The following PCDHGB3 variants were observed in gnomAD, a reference collection of about 807,000 sequenced individuals.
PCDHGB3 encodes the protein protocadherin gamma-B3.
A neutral mutation model predicts 59.2 loss-of-function variants in PCDHGB3; 40 were observed. The observed-to-expected ratio is 0.68, with a 90% CI of 0.52 to 0.88. The LOEUF is 0.88. Ranked by LOEUF, PCDHGB3 falls within the 40% of genes least tolerant of loss-of-function variation. The pLI is 0.00. For synonymous variants in PCDHGB3, 581 were observed against 503.6 expected, an observed-to-expected ratio of 1.15 and a Z score of -2.06; for missense variants, 1,309 against 1,187.9, an observed-to-expected ratio of 1.10 and a Z score of -1.50.
At chr5:141,394,840 G>A in intron 1 of PCDHGB3, 3 of 1,613,834 alleles carry the variant, frequency 1.9e-6, no homozygotes, top group Non-Finnish European at 2.5e-6. Context: ...ACCGAGTTGG[G>A]CAGTCTGAAG....
intron 1 of PCDHGB3, chr5:141,414,036 A>G: frequency 6.2e-7 from 1 of 1,612,018 alleles, no homozygotes; most frequent in South Asian, 1.1e-5. Context: ...CATTCCGAAA[A>G]TTACCTGACA....
rs772255343 is a variant in PCDHGB3, at chr5:141,432,272, G to C, written c.2415+59463G>C. On this transcript the variant is annotated intron_variant, in intron 1 of 3. Coordinates refer to ENST00000576222, the MANE Select transcript of PCDHGB3 (RefSeq NM_018924.5). This position sits in a 1 kb window ranked among gnomAD's most constrained non-coding sequence, Gnocchi z 6.0. ...CCAAGGGGCAAGCCTATCGTCCTAC[G>C]TGTCCATCAACTCCGACACTGGGGT... The C allele has an allele frequency of 3.1e-6, 5 of 1,614,210 alleles. No individual in the cohort carries two copies. Among genetic ancestry groups the C allele is most frequent in the Non-Finnish European group, 4.2e-6 (5 of 1,180,042 alleles).
intron 1 of PCDHGB3, chr5:141,374,110 G>T (rs1402267775): frequency 7.0e-6 from 11 of 1,576,896 alleles, no homozygotes; most frequent in Non-Finnish European, 9.5e-6. Context: ...GGCATCCGCA[G>T]CGCAGCGAGC....
chr5:141,414,351 G>C (rs771256149), intron 1 of PCDHGB3: 2 of 1,613,676 alleles, frequency 1.2e-6, no homozygotes, highest in Non-Finnish European at 1.7e-6. Context: ...CCATTTTGGC[G>C]TATCTACCAT....
At chr5:141,412,980 A>G (rs2095595071) in intron 1 of PCDHGB3, 2 of 543,674 alleles carry the variant, frequency 3.7e-6, no homozygotes, top group Non-Finnish European at 6.3e-6. Flanking sequence ...AAACGCAGCC[A>G]GAGCTCAATC....
intron 2 of PCDHGB3, among the ~76,000 whole-genome samples, chr5:141,495,233 A>G (rs1226612093): frequency 1.3e-5 from 2 of 152,196 alleles, no homozygotes; most frequent in African/African-American, 4.8e-5. Flanking sequence ...GCTGGGCTCC[A>G]TTATGACCTG....
Position 141,431,818 on chromosome 5 carries a change from C to T in PCDHGB3, c.2415+59009C>T, listed in dbSNP as rs201311339. On this transcript the variant is annotated intron_variant, in intron 1 of 3. Coordinates refer to ENST00000576222, the MANE Select transcript of PCDHGB3 (RefSeq NM_018924.5). This position sits in a 1 kb window ranked among gnomAD's most constrained non-coding sequence, Gnocchi z 4.8. ...CAGAAGTGGTCCTCACCTCTCTCGCCAGCTCGGTTCCCGAAAACTCTCCCA... is the reference window on the plus strand; with the variant it reads ...CAGAAGTGGTCCTCACCTCTCTCGCTAGCTCGGTTCCCGAAAACTCTCCCA... 130 of 1,614,122 alleles carry T rather than the reference C, an allele frequency of 8.1e-5. No homozygotes were observed. Among genetic ancestry groups the T allele is most frequent in the Non-Finnish European group, 1.0e-4 (121 of 1,180,040 alleles).
At chr5:141,408,978 C>A (rs1444971938) in intron 1 of PCDHGB3, 1 of 1,613,862 alleles carries the variant, frequency 6.2e-7, no homozygotes, top group African/African-American at 1.3e-5. Context: ...CCCCCTGGGT[C>A]CCCTGTGTTG....
rs141397385 is a variant in PCDHGB3 at position 141,476,135 on chromosome 5, A to C, written c.2416-18672A>C. 8.4e-4 allele frequency: 1,352 copies of C among 1,608,526 alleles called. 1 individual carries two copies. Among genetic ancestry groups the C allele is most frequent in the Non-Finnish European group, 1.1e-3 (1,319 of 1,178,332 alleles). On this transcript the variant is annotated intron_variant, in intron 1 of 3. Transcript: ENST00000576222. This position sits in a 1 kb window ranked among gnomAD's most constrained non-coding sequence, Gnocchi z 7.6. ...GAGTGAGATGGTCCCAGAGGCCTGG[A>C]GGAGCGGACTGGTAAGCACCGGGAG...
chr5:141,415,355 G>A (rs1200011688), intron 1 of PCDHGB3: 2 of 1,614,210 alleles, frequency 1.2e-6, no homozygotes, highest in Non-Finnish European at 1.7e-6. Context: ...CACAAGTCAC[G>A]CCTGCTGCAG....
chr5:141,408,249 T>A, intron 1 of PCDHGB3: 1 of 1,589,992 alleles, frequency 6.3e-7, no homozygotes, highest in Non-Finnish European at 8.6e-7. Flanking sequence ...CCGCGGCAGG[T>A]GCTATTTCCT....
chr5:141,393,350 C>T (rs775303289), intron 1 of PCDHGB3: 25 of 1,613,840 alleles, frequency 1.5e-5, no homozygotes, highest in Non-Finnish European at 1.9e-5. Flanking sequence ...ACCACTTCTC[C>T]CTGGACGTGC....
Position 141,374,841 on chromosome 5 carries a change from A to T in PCDHGB3, c.2415+2032A>T, listed in dbSNP as rs1770885287. 8 of 1,613,862 alleles carry T rather than the reference A, an allele frequency of 5.0e-6. No individual in the cohort carries two copies. The East Asian group carries it at 1.8e-4, about 36-fold the overall frequency. ...CCTGTCTACCGTGTAAGTGTTCCTGAAAACCTGCCAGTAGGCACACCAGTG... is the reference window on the plus strand; with the variant it reads ...CCTGTCTACCGTGTAAGTGTTCCTGTAAACCTGCCAGTAGGCACACCAGTG... On this transcript the variant is annotated intron_variant, in intron 1 of 3. Coordinates refer to ENST00000576222, the MANE Select transcript of PCDHGB3 (RefSeq NM_018924.5).
rs1451071413 is a variant in PCDHGB3, at chr5:141,415,742, T to G, written c.2415+42933T>G. 19 of 216,608 alleles carry G rather than the reference T, an allele frequency of 8.8e-5. 1 individual carries two copies. In the Admixed American group the frequency reaches 4.5e-3, roughly 51 times the overall value. 13.4% of individuals were successfully genotyped at this position (216,608 alleles called of 1,614,324 possible). ...AGTAGAATTTGATGTTTATTAAGGT[T>G]TTTTTTTTTTTTTTTTTTTTTTTTT... On this transcript the variant is annotated intron_variant, in intron 1 of 3. Transcript: ENST00000576222.
intron 1 of PCDHGB3, among the ~76,000 whole-genome samples, chr5:141,386,991 A>G (rs1218503150): frequency 6.6e-6 from 1 of 152,212 alleles, no homozygotes; most frequent in Non-Finnish European, 1.5e-5. Context: ...GAGGCTATGT[A>G]TTATCCCCCT....
chr5:141,472,980 C>CAAAAAAAAAAAAAAAAAGAAAAAAAAA (rs2099309731), intron 1 of PCDHGB3, among the ~76,000 whole-genome samples: 1 of 86,106 alleles, frequency 1.2e-5, no homozygotes, highest in Non-Finnish European at 2.5e-5. Flanking sequence ...GAGTGAAACT[C>CAAAAAAAAAAAAAAAAAGAAAAAAAAA]AAAAAAAAAA....
chr5:141,509,255 T>A (rs1434555633), intron 3 of PCDHGB3, among the ~76,000 whole-genome samples: 1 of 152,158 alleles, frequency 6.6e-6, no homozygotes, highest in African/African-American at 2.4e-5. Flanking sequence ...CCTCTCCGGC[T>A]TTAGTCACTC....
At position 141,491,222 on chromosome 5, in the gene PCDHGB3, C is replaced by A. The variant is rs1185734506; in HGVS notation, c.2416-3585C>A. 6.2e-7 allele frequency: 1 copy of A among 1,614,268 alleles called. No homozygotes were observed. Among genetic ancestry groups the A allele is most frequent in the East Asian group, 2.2e-5 (1 of 44,892 alleles). On this transcript the variant is annotated intron_variant, in intron 1 of 3. Transcript: ENST00000576222. This position sits in a 1 kb window ranked among gnomAD's most constrained non-coding sequence, Gnocchi z 6.9. Reference sequence around the variant, plus strand: ...GACCCTTCACTCTCCTCCACAGCCACAGTGCTGCTGGTTCTGGAGGATGAG... The same window carrying A: ...GACCCTTCACTCTCCTCCACAGCCAAAGTGCTGCTGGTTCTGGAGGATGAG...
At chr5:141,472,219 A>C (rs2099274667) in intron 1 of PCDHGB3, among the ~76,000 whole-genome samples, 1 of 152,210 alleles carries the variant, frequency 6.6e-6, no homozygotes, top group Non-Finnish European at 1.5e-5. Context: ...CTTACTCTCG[A>C]TCATATAATA....
Sources: gnomAD v4.1 joint callset for allele counts (sites outside exome capture counted in the v4.1 genomes callset) on GRCh38, gnomAD v4.1.1 for gene constraint, Gnocchi (gnomAD v3.1) non-coding constraint, MANE v1.5 for transcripts, NCBI Gene and HGNC (gene_info 2026-07-23, HGNC 2026-07-21) for gene names.